Variants in SNTG1 observed in about 807,000 individuals in gnomAD.
The protein encoded by SNTG1 is gamma-1-syntrophin.
SNTG1 carries 39 observed loss-of-function variants against 74.7 expected under a neutral mutation model. That is an observed-to-expected ratio of 0.52 (90% CI 0.40 to 0.68). SNTG1 has a LOEUF of 0.68. Ranked by LOEUF, SNTG1 falls within the 30% of genes least tolerant of loss-of-function variation. SNTG1 has a pLI of 0.00. For missense variants in SNTG1, 685 were observed against 609.5 expected, an observed-to-expected ratio of 1.12 and a Z score of -1.30; for synonymous variants, 254 against 217.1, an observed-to-expected ratio of 1.17 and a Z score of -1.49.
In SNTG1 at chr8:50,796,464, T is replaced by C. The variant is rs1802816385; in HGVS notation, c.*3635T>C. The C allele has an allele frequency of 6.6e-6, 1 of 151,820 alleles. No individual in the cohort carries two copies. Among genetic ancestry groups the C allele is most frequent in the South Asian group, 2.1e-4 (1 of 4,826 alleles). 9.4% of individuals were successfully genotyped at this position (151,820 alleles called of 1,614,324 possible). A position where few individuals can be genotyped will look rare whatever the true frequency, so the allele number is the denominator to read the frequency against. ...GCTTTTGAAAATAAAATATTATAAATGTTATATATTTTATACATGTTAAAA... is the reference window on the plus strand; with the variant it reads ...GCTTTTGAAAATAAAATATTATAAACGTTATATATTTTATACATGTTAAAA... On this transcript the variant is annotated 3_prime_UTR_variant, in exon 19 of 19. Transcript: ENST00000642720.
At chr8:50,531,192 C>A (rs2094264163) in intron 10 of SNTG1, among the ~76,000 whole-genome samples, 1 of 152,134 alleles carries the variant, frequency 6.6e-6, no homozygotes, top group East Asian at 1.9e-4. Flanking sequence ...CAGCTGAGTA[C>A]CTTAGGCCCT....
At chr8:50,384,178 A>G (rs1408845440) in intron 2 of SNTG1, among the ~76,000 whole-genome samples, 3 of 152,156 alleles carry the variant, frequency 2.0e-5, no homozygotes, top group African/African-American at 4.8e-5. Context: ...AGAAAATGCC[A>G]CCTGGCTGAT....
chr8:50,625,864 C>T (rs2094953136), intron 13 of SNTG1, among the ~76,000 whole-genome samples: 1 of 152,114 alleles, frequency 6.6e-6, no homozygotes, highest in African/African-American at 2.4e-5. Flanking sequence ...ATGATACAGG[C>T]AGTTGGAATA....
intron 2 of SNTG1, among the ~76,000 whole-genome samples, chr8:50,310,705 CAAAT>C (rs972841779): frequency 5.3e-5 from 8 of 151,874 alleles, no homozygotes; most frequent in Non-Finnish European, 1.2e-4. Flanking sequence ...AGTAAGTAAA[CAAAT>C]AAATAAATAA....
chr8:50,620,172 C>T (rs1279739494), intron 13 of SNTG1, among the ~76,000 whole-genome samples: 1 of 152,140 alleles, frequency 6.6e-6, no homozygotes. Flanking sequence ...GTCCCGATTT[C>T]CTTTCTGGCT....
chr8:50,595,803 C>T (rs2094723361), intron 13 of SNTG1, among the ~76,000 whole-genome samples: 1 of 151,894 alleles, frequency 6.6e-6, no homozygotes, highest in Non-Finnish European at 1.5e-5. Flanking sequence ...TGCATCAATC[C>T]ATCATTCTTT....
chr8:50,248,847 T>C (rs778076926), intron 2 of SNTG1, among the ~76,000 whole-genome samples: 1 of 152,210 alleles, frequency 6.6e-6, no homozygotes, highest in Non-Finnish European at 1.5e-5. Flanking sequence ...TGCTAATTGG[T>C]TTATAAATTC....
intron 3 of SNTG1, among the ~76,000 whole-genome samples, chr8:50,399,533 G>T (rs560515847): frequency 1.3e-5 from 2 of 152,192 alleles, no homozygotes; most frequent in East Asian, 3.9e-4. Context: ...CTAACATCCT[G>T]AAGTTCAAAC....
chr8:49,995,201 T>C (rs1394684250), intron 1 of SNTG1, among the ~76,000 whole-genome samples: 1 of 152,058 alleles, frequency 6.6e-6, no homozygotes, highest in Non-Finnish European at 1.5e-5. Flanking sequence ...AACATTAAGA[T>C]TGGCAAGGCC....
chr8:50,674,230 G>A (rs763723489), intron 15 of SNTG1, among the ~76,000 whole-genome samples: 8 of 152,086 alleles, frequency 5.3e-5, no homozygotes, highest in South Asian at 2.1e-4. Flanking sequence ...GGATTGTTTG[G>A]AATAGTTTCA....
At chr8:50,022,589 T>C (rs1425865497) in intron 1 of SNTG1, among the ~76,000 whole-genome samples, 2 of 152,198 alleles carry the variant, frequency 1.3e-5, no homozygotes, top group African/African-American at 2.4e-5. Context: ...TGTAATAAAT[T>C]AAATTGGATG....
intron 6 of SNTG1, 60 bp from the exon 7 acceptor site, chr8:50,450,496 C>G (rs924196473): frequency 6.5e-7 from 1 of 1,539,334 alleles, no homozygotes; most frequent in Non-Finnish European, 9.0e-7. Flanking sequence ...AATTAAAAGT[C>G]CTTTCATCTG....
rs1188387318 is a variant in SNTG1 at position 50,438,606 on chromosome 8, T to C, written c.219+7T>C. The C allele has an allele frequency of 6.2e-7, 1 of 1,611,582 alleles. No individual in the cohort carries two copies. The highest frequency in any genetic ancestry group is 1.7e-5 in the Admixed American group (1 of 59,902). ...ATTTGGATTAAGCATAAAGGTAGCC[T>C]GCCTTTCTAGTCTATCCTTACAAAG... On this transcript the variant is annotated splice_region_variant and intron_variant, in intron 5 of 18. Coordinates refer to ENST00000642720, the MANE Select transcript of SNTG1 (RefSeq NM_018967.5).
chr8:50,607,073 T>G (rs1262000022), intron 13 of SNTG1, among the ~76,000 whole-genome samples: 1 of 151,938 alleles, frequency 6.6e-6, no homozygotes, highest in Non-Finnish European at 1.5e-5. Flanking sequence ...AAAATCAAAT[T>G]CGATATGTTA....
At chr8:50,320,097 CTTTCAATGT>C (rs367645971) in intron 2 of SNTG1, among the ~76,000 whole-genome samples, 1 of 152,260 alleles carries the variant, frequency 6.6e-6, no homozygotes, top group Non-Finnish European at 1.5e-5. Flanking sequence ...GTTAGTCGTT[CTTTCAATGT>C]TTGATAGGGT....
chr8:50,286,182 C>G (rs2088772909), intron 2 of SNTG1, among the ~76,000 whole-genome samples: 1 of 152,114 alleles, frequency 6.6e-6, no homozygotes, highest in South Asian at 2.1e-4. Context: ...CAGTAGTGTT[C>G]AGAGAATGGG....
At chr8:50,293,564 A>G (rs2089228200) in intron 2 of SNTG1, among the ~76,000 whole-genome samples, 1 of 151,478 alleles carries the variant, frequency 6.6e-6, no homozygotes, top group Admixed American at 6.6e-5. Context: ...CATGCACCAA[A>G]ACGCCCAGCT....
chr8:49,975,706 T>C (rs1418559638), intron 1 of SNTG1, among the ~76,000 whole-genome samples: 1 of 152,036 alleles, frequency 6.6e-6, no homozygotes, highest in Non-Finnish European at 1.5e-5. Flanking sequence ...CGAGGAAAGA[T>C]TTCTCCTGTT....
intron 13 of SNTG1, among the ~76,000 whole-genome samples, chr8:50,635,604 T>C (rs148031713): frequency 6.6e-6 from 1 of 152,304 alleles, no homozygotes; most frequent in Non-Finnish European, 1.5e-5. Context: ...TTCCAGGCAA[T>C]TGCCGATGTT....
Sources: gnomAD v4.1 joint callset for allele counts (sites outside exome capture counted in the v4.1 genomes callset) on GRCh38, gnomAD v4.1.1 for gene constraint, MANE v1.5 for transcripts, NCBI Gene and HGNC (gene_info 2026-07-23, HGNC 2026-07-21) for gene names.